SLC41A3: variants seen among roughly 807,000 people sequenced by gnomAD.
SLC41A3 encodes solute carrier family 41 member 3.
In SLC41A3, 44 loss-of-function variants were observed where a neutral mutation model predicts 45.4. That is an observed-to-expected ratio of 0.97 (90% CI 0.76 to 1.25). SLC41A3 has a LOEUF of 1.25. Ranked by LOEUF, SLC41A3 falls within the 50% of genes most tolerant of loss-of-function variation. SLC41A3 has a pLI of 0.00. For synonymous variants in SLC41A3, 256 were observed against 252.4 expected, an observed-to-expected ratio of 1.01 and a Z score of -0.13; for missense variants, 550 against 600.6, an observed-to-expected ratio of 0.92 and a Z score of 0.88.
chr3:126,098,546 C>T (rs1945646903), intron 1 of SLC41A3, among the ~76,000 whole-genome samples: 1 of 152,242 alleles, frequency 6.6e-6, no homozygotes, highest in Admixed American at 6.5e-5. Context: ...TACTAAAACC[C>T]TGATGGGACT....
intron 1 of SLC41A3, among the ~76,000 whole-genome samples, chr3:126,098,924 G>C (rs1452025911): frequency 9.9e-6 from 1 of 100,944 alleles, no homozygotes; most frequent in African/African-American, 4.5e-5. Context: ...ACATGACCTG[G>C]CTTTTTTTTT....
chr3:126,074,647 T>C (rs1944790034), intron 1 of SLC41A3, among the ~76,000 whole-genome samples: 1 of 151,936 alleles, frequency 6.6e-6, no homozygotes, highest in African/African-American at 2.4e-5. Flanking sequence ...TTTTGTTTTG[T>C]TGTTGTTTGG....
rs866507132 is a variant in SLC41A3, at chr3:126,022,711, C to T, written c.745+75G>A. On this transcript the variant is annotated intron_variant, in intron 6 of 10. Transcript: ENST00000360370. ...TGGGCTGGGTGCAAAAGTACCCACT[C>T]AGCCTCAGTGGTGACCTGCTCCAGG... The T allele has an allele frequency of 3.8e-6, 6 of 1,564,320 alleles. No individual in the cohort carries two copies. The Middle Eastern group carries it at 9.5e-4, about 249-fold the overall frequency.
intron 3 of SLC41A3, among the ~76,000 whole-genome samples, chr3:126,043,735 A>G (rs1942746761): frequency 6.6e-6 from 1 of 151,764 alleles, no homozygotes; most frequent in Admixed American, 6.6e-5. Context: ...CCTCATGGTA[A>G]CTACAAAGAA....
At chr3:126,058,006 C>G (rs1469009244) in intron 2 of SLC41A3, 1 of 152,224 alleles carries the variant, frequency 6.6e-6, no homozygotes, top group Non-Finnish European at 1.5e-5. Flanking sequence ...TATGTCCTAT[C>G]TCTTGGGCTG....
intron 2 of SLC41A3, 73 bp from the exon 3 acceptor site, chr3:126,051,123 C>T: frequency 6.9e-7 from 1 of 1,442,660 alleles, no homozygotes; most frequent in South Asian, 1.6e-5. Flanking sequence ...TTGAGAGAAC[C>T]TTCAGCAAGT....
At chr3:126,014,407 C>T (rs930604015) in intron 8 of SLC41A3, among the ~76,000 whole-genome samples, 53 of 152,174 alleles carry the variant, frequency 3.5e-4, no homozygotes, top group African/African-American at 1.3e-3. Flanking sequence ...TGGAGCTGGA[C>T]AGGCACCACA....
At chr3:126,085,117 T>TAA (rs2108119025), upstream of SLC41A3, among the ~76,000 whole-genome samples, 1 of 152,326 alleles carries the variant, frequency 6.6e-6, no homozygotes, top group East Asian at 1.9e-4. Context: ...CCAGAAAATG[T>TAA]TTAAGTTGAC....
At chr3:126,087,720 G>C (rs1240997154), upstream of SLC41A3, among the ~76,000 whole-genome samples, 1 of 151,804 alleles carries the variant, frequency 6.6e-6, no homozygotes, top group Non-Finnish European at 1.5e-5. Context: ...AGATATTTAG[G>C]ACAGAACAGA....
At chr3:126,052,342 C>T (rs769291387) in intron 2 of SLC41A3, among the ~76,000 whole-genome samples, 4 of 152,140 alleles carry the variant, frequency 2.6e-5, no homozygotes, top group Non-Finnish European at 5.9e-5. Context: ...CCCCAGCTGG[C>T]CTTTGGGCAC....
intron 4 of SLC41A3, among the ~76,000 whole-genome samples, chr3:126,029,515 T>C (rs2107748331): frequency 6.6e-6 from 1 of 152,322 alleles, no homozygotes; most frequent in Admixed American, 6.5e-5. Flanking sequence ...TGTGGAACCA[T>C]AAGCCAATTA....
At chr3:126,080,842 T>C (rs1452861897) in intron 1 of SLC41A3, among the ~76,000 whole-genome samples, 1 of 152,074 alleles carries the variant, frequency 6.6e-6, no homozygotes, top group Non-Finnish European at 1.5e-5. Flanking sequence ...TTCCAGCTAC[T>C]TGGGAGGCTG....
chr3:126,016,960 G>T, intron 6 of SLC41A3, 85 bp from the exon 7 acceptor site: 1 of 1,546,904 alleles, frequency 6.5e-7, no homozygotes, highest in Non-Finnish European at 8.7e-7. Context: ...AATGAGAGGT[G>T]GGTGAGGACG....
intron 3 of SLC41A3, among the ~76,000 whole-genome samples, chr3:126,039,336 A>T (rs1942424436): frequency 6.6e-6 from 1 of 152,218 alleles, no homozygotes; most frequent in Non-Finnish European, 1.5e-5. Context: ...AGGATTGCCC[A>T]TTGCATTTAG....
chr3:126,056,639 T>A (rs1166182737), intron 2 of SLC41A3: 2 of 1,494,606 alleles, frequency 1.3e-6, no homozygotes, highest in East Asian at 4.8e-5. Context: ...ACCAGGACGC[T>A]GTTCCCAAGA....
chr3:126,035,418 A>G (rs1942112192), intron 3 of SLC41A3, among the ~76,000 whole-genome samples: 1 of 152,208 alleles, frequency 6.6e-6, no homozygotes, highest in Non-Finnish European at 1.5e-5. Flanking sequence ...GGCCAACAGG[A>G]GCCACAGGAG....
At position 126,051,940 on chromosome 3, in the gene SLC41A3, C is replaced by T. The variant is rs868670200; in HGVS notation, c.274-890G>A. Among the ~76,000 whole-genome samples the T allele has an allele frequency of 2.6e-5, 4 of 152,266 alleles. No homozygotes were observed. The Middle Eastern group carries it at 0.01, about 388-fold the overall frequency. ...AGCTGTGTAAAGATGTGCAAATCCACCCAGCCCCTAGGGACTTGGACAGTC... is the reference window on the plus strand; with the variant it reads ...AGCTGTGTAAAGATGTGCAAATCCATCCAGCCCCTAGGGACTTGGACAGTC... On this transcript the variant is annotated intron_variant, in intron 2 of 10. Transcript: ENST00000360370.
intron 1 of SLC41A3, among the ~76,000 whole-genome samples, chr3:126,100,899 TTTTG>T (rs1450300497): frequency 1.3e-5 from 2 of 152,362 alleles, no homozygotes; most frequent in South Asian, 2.1e-4. Context: ...TCATGCATAT[TTTTG>T]TTTATTATAC....
chr3:126,056,213 C>A, intron 2 of SLC41A3: 1 of 987,068 alleles, frequency 1.0e-6, no homozygotes, highest in South Asian at 1.7e-5. Flanking sequence ...CGCTGACACC[C>A]GGGACGCCCA....
Sources: gnomAD v4.1 joint callset for allele counts (sites outside exome capture counted in the v4.1 genomes callset) on GRCh38, gnomAD v4.1.1 for gene constraint, MANE v1.5 for transcripts, NCBI Gene and HGNC (gene_info 2026-07-23, HGNC 2026-07-21) for gene names.